The following FLNC variants were observed in gnomAD, a reference collection of about 807,000 sequenced individuals.
FLNC encodes filamin C.
FLNC carries 91 observed loss-of-function variants against 254.3 expected under a neutral mutation model. The observed-to-expected ratio is 0.36, with a 90% CI of 0.30 to 0.43. The LOEUF (loss-of-function observed/expected upper bound fraction) is 0.43. FLNC is among the 20% of genes least tolerant of loss of function. The pLI, the probability that FLNC is intolerant of heterozygous loss-of-function variation, is 1.00. For missense variants in FLNC, 2,853 were observed against 3,802.6 expected, an observed-to-expected ratio of 0.75 and a Z score of 6.57; for synonymous variants, 1,430 against 1,577.2, an observed-to-expected ratio of 0.91 and a Z score of 2.21.
rs2249128 is a variant in FLNC, at chr7:128,847,812, T to C, written c.4404T>C (p.Asp1468=). 1,611,350 of 1,614,052 alleles carry C rather than the reference T, an allele frequency of 1. 804,371 individuals are homozygous for C. The highest frequency in any genetic ancestry group is 1 in the East Asian group (44,886 of 44,886). Residue 1468 remains aspartate (D), a synonymous_variant, in exon 25 of 48, where the codon GAT becomes GAC. Coordinates refer to ENST00000325888, the MANE Select transcript of FLNC (RefSeq NM_001458.5). ...GGGTTCCTCAGACCTTCACAGTGGA[T>C]TGCAGTCAAGCTGGCCGGGCGCCCC... is the stretch of plus-strand genomic sequence containing the variant. The part of the protein sequence containing the change: ...RARVPQTFTV[D]CSQAGRAPLQ...
chr7:128,843,408 G>T lies in FLNC; in HGVS notation c.2642G>T (p.Gly881Val), dbSNP rs377095070. The T allele has an allele frequency of 1.2e-6, 2 of 1,613,970 alleles. No homozygotes were observed. The highest frequency in any genetic ancestry group is 2.7e-5 in the African/African-American group (2 of 74,932). ...ACCACATCTCTGGGTGGGTCCTCAGGTGTGGAAGTCGGGAAGCCCACCCAC... is the reference window on the plus strand; with the variant it reads ...ACCACATCTCTGGGTGGGTCCTCAGTTGTGGAAGTCGGGAAGCCCACCCAC... ...KAEGPGLNRT[G>V]VEVGKPTHFT... is the part of the protein sequence containing the mutation. Residue 881 changes from glycine (G) to valine (V), a missense_variant and splice_region_variant, in exon 18 of 48, where the codon GGT becomes GTT. Transcript: ENST00000325888.
chr7:128,848,815 A>G lies in FLNC; in HGVS notation c.4760A>G (p.Lys1587Arg). The G allele has an allele frequency of 6.2e-7, 1 of 1,614,104 alleles. No individual in the cohort carries two copies. Among genetic ancestry groups the G allele is most frequent in the Non-Finnish European group, 8.5e-7 (1 of 1,180,006 alleles). The change falls in exon 28 of 48, where the codon AAG (lysine) becomes AGG (arginine). Residue 1587 changes from lysine (K) to arginine (R), a missense_variant. Lys to Arg is a conservative substitution (Grantham distance 26). This residue lies in a region of FLNC where 1,573 missense variants were observed against 1,883.5 expected (regional missense o/e 0.84). Transcript: ENST00000325888. ...CAGGACCCCGAGGGTAAGCCCAAGAAGGCCAACATCCGGGACAATGGGGAT... is the reference window on the plus strand; with the variant it reads ...CAGGACCCCGAGGGTAAGCCCAAGAGGGCCAACATCCGGGACAATGGGGAT... ...QILDPEGKPK[K>R]ANIRDNGDGT...
At position 128,842,614 on chromosome 7, in the gene FLNC, G is replaced by T. The variant is rs1046022647; in HGVS notation, c.2305G>T (p.Val769Leu). 7 of 1,550,114 alleles carry T rather than the reference G, an allele frequency of 4.5e-6. No individual in the cohort carries two copies. In the Admixed American group the frequency reaches 5.9e-5, roughly 13 times the overall value. The change falls in exon 15 of 48, where the codon GTG (valine) becomes TTG (leucine). Residue 769 changes from valine to leucine, a missense_variant. By Grantham distance (32) the Val-to-Leu change is conservative. Around this residue, in one of 10 missense-constraint regions of FLNC, gnomAD observed 1,573 missense variants for 1,883.5 expected, o/e 0.84. Transcript: ENST00000325888. The surrounding 1 kb of genome is among the most constrained non-coding windows in gnomAD (Gnocchi z 5.4). ...GGGCAGCCACCCCGAGCGGGTAAAGGTGTACGGCCCCGGAGTGGAGAAGAC... is the reference window on the plus strand; with the variant it reads ...GGGCAGCCACCCCGAGCGGGTAAAGTTGTACGGCCCCGGAGTGGAGAAGAC... Reference protein sequence around the residue: ...GEGSHPERVKVYGPGVEKTGL... With the variant: ...GEGSHPERVKLYGPGVEKTGL...
intron 10 of FLNC, 45 bp downstream of exon 10, chr7:128,840,719 AG>A: frequency 6.2e-7 from 1 of 1,611,530 alleles, no homozygotes; most frequent in South Asian, 1.1e-5. Flanking sequence ...AGGCCATCAC[AG>A]GGAGGGACGA....
rs773481064 is a variant in FLNC at position 128,845,046 on chromosome 7, C to T, written c.3581C>T (p.Ser1194Leu). The change falls in exon 21 of 48, where the codon TCG (serine) becomes TTG (leucine). Residue 1194 changes from serine (S) to leucine (L), a missense_variant. Ser to Leu is a moderately radical substitution (Grantham distance 145). Transcript: ENST00000325888. Reference protein sequence around the residue: ...GEAELTIEILSDAGVKAEVLI... With the variant: ...GEAELTIEILLDAGVKAEVLI... Reference sequence around the variant, plus strand: ...GCGGAGCTGACCATTGAGATCCTGTCGGATGCCGGGGTCAAGGCCGAGGTG... The same window carrying T: ...GCGGAGCTGACCATTGAGATCCTGTTGGATGCCGGGGTCAAGGCCGAGGTG... 4 of 1,613,798 alleles carry T rather than the reference C, an allele frequency of 2.5e-6. No homozygotes were observed. The highest frequency in any genetic ancestry group is 1.1e-5 in the South Asian group (1 of 91,082).
chr7:128,853,903 C>T (rs1585169016), intron 39 of FLNC, 66 bp downstream of exon 39: 2 of 1,612,892 alleles, frequency 1.2e-6, no homozygotes, highest in Non-Finnish European at 1.7e-6. Context: ...CCAGAGCCCA[C>T]CTGTCGGGCC....
At chr7:128,839,841 GGGCCTGTAGCCAGCTCCAGCCC>G (rs1483704190) in intron 8 of FLNC, among the ~76,000 whole-genome samples, 160 bp from the exon 9 acceptor site, 1 of 152,232 alleles carries the variant, frequency 6.6e-6, no homozygotes, top group Non-Finnish European at 1.5e-5. Context: ...GCCTGATCTG[GGGCCTGTAGCCAGCTCCAGCCC>G]GGCAGCCCCG....
In FLNC at chr7:128,844,253, CT is replaced by C. The variant is rs1064795229; in HGVS notation, c.3180del (p.Asp1061IlefsTer17). The C allele has an allele frequency of 1.2e-6, 2 of 1,608,078 alleles. No individual in the cohort carries two copies. Among genetic ancestry groups the C allele is most frequent in the African/African-American group, 1.3e-5 (1 of 74,852 alleles). On this transcript the variant is annotated frameshift_variant, in exon 20 of 48. Transcript: ENST00000325888. LOFTEE classifies it high-confidence loss of function. Reference sequence around the variant, plus strand: ...TTTGCTGTGGAGGGTGTCCTGCCCCCTGATCCCTCCAAGGTGAGGAGATAGG... The same window carrying C: ...TTTGCTGTGGAGGGTGTCCTGCCCCCGATCCCTCCAAGGTGAGGAGATAGG... The part of the protein sequence containing the change: ...SPFAVEGVLP[P>X]DPSKVCAYGP...
Position 128,838,039 on chromosome 7 carries a change from T to G in FLNC, c.1022T>G (p.Val341Gly). The G allele has an allele frequency of 6.2e-7, 1 of 1,613,974 alleles. No homozygotes were observed. The highest frequency in any genetic ancestry group is 8.5e-7 in the Non-Finnish European group (1 of 1,179,908). Residue 341 changes from valine to glycine, a missense_variant, in exon 6 of 48, where the codon GTG becomes GGG. Physicochemically the swap from Val to Gly is moderately radical, Grantham distance 109. Coordinates refer to ENST00000325888, the MANE Select transcript of FLNC (RefSeq NM_001458.5). ...DKDRTYAVSY[V>G]PKVAGLHKVT... Reference sequence around the variant, plus strand: ...GATCGCACCTATGCTGTCTCCTATGTGCCCAAGGTCGCTGGGTTACACAAG... The same window carrying G: ...GATCGCACCTATGCTGTCTCCTATGGGCCCAAGGTCGCTGGGTTACACAAG...
rs60473969 is a variant in FLNC at position 128,858,576 on chromosome 7, TACACACACACAC to T, written c.*65_*76del. ...CCCCCACCTCCAGCCACACACACATTACACACACACACACACACACACAAATGTGCCACACCC... is the reference window on the plus strand; with the variant it reads ...CCCCCACCTCCAGCCACACACACATTACACACACACAAATGTGCCACACCC... On this transcript the variant is annotated 3_prime_UTR_variant, in exon 48 of 48. Transcript: ENST00000325888. This position sits in a 1 kb window ranked among gnomAD's most constrained non-coding sequence, Gnocchi z 6.7. 1 of 997,858 alleles carries T rather than the reference TACACACACACAC, an allele frequency of 1.0e-6. No individual in the cohort carries two copies. The highest frequency in any genetic ancestry group is 1.6e-6 in the Non-Finnish European group (1 of 641,992). The allele number at this position is 997,858 out of a possible 1,614,324, so 61.8% of individuals were successfully genotyped here.
In FLNC at chr7:128,856,964, C is replaced by T. The variant is rs1809089380; in HGVS notation, c.7561+43C>T. ...GGGAACAGGGTGACTTCTGGGGGTG[C>T]TTGGCCACTAGTCTGGTGCTGCTTT... On this transcript the variant is annotated intron_variant, in intron 45 of 47. Coordinates refer to ENST00000325888, the MANE Select transcript of FLNC (RefSeq NM_001458.5). This position sits in a 1 kb window ranked among gnomAD's most constrained non-coding sequence, Gnocchi z 5.9. The T allele has an allele frequency of 6.2e-7, 1 of 1,604,714 alleles. No homozygotes were observed. Among genetic ancestry groups the T allele is most frequent in the Non-Finnish European group, 8.5e-7 (1 of 1,172,892 alleles).
chr7:128,857,308 G>T lies in FLNC; in HGVS notation c.7752G>T (p.Val2584=), dbSNP rs1809108536. Residue 2584 remains valine, a synonymous_variant, in exon 46 of 48, where the codon GTG becomes GTT. Transcript: ENST00000325888. This position sits in a 1 kb window ranked among gnomAD's most constrained non-coding sequence, Gnocchi z 4.5. ...AIKYGGPQHI[V]GSPFKAKVTG... ...AGTACGGTGGCCCCCAGCACATCGTGGGCAGCCCCTTCAAGGCCAAGGTCA... is the reference window on the plus strand; with the variant it reads ...AGTACGGTGGCCCCCAGCACATCGTTGGCAGCCCCTTCAAGGCCAAGGTCA... 1.2e-6 allele frequency: 2 copies of T among 1,613,446 alleles called. No individual in the cohort carries two copies. The highest frequency in any genetic ancestry group is 1.7e-6 in the Non-Finnish European group (2 of 1,179,780).
In FLNC at chr7:128,854,900, G is replaced by C; in HGVS notation, c.7123G>C (p.Val2375Leu). 6.2e-7 allele frequency: 1 copy of C among 1,614,028 alleles called. No individual in the cohort carries two copies. Among genetic ancestry groups the C allele is most frequent in the Non-Finnish European group, 8.5e-7 (1 of 1,179,990 alleles). ...TGGCTCCTGCGGCGTCTCCTATGTCGTCCAGGAACCAGGTGGGCGTCCACA... is the reference window on the plus strand; with the variant it reads ...TGGCTCCTGCGGCGTCTCCTATGTCCTCCAGGAACCAGGTGGGCGTCCACA... ...KDGSCGVSYV[V>L]QEPGDYEVSI... Residue 2375 changes from valine to leucine, a missense_variant, in exon 42 of 48, where the codon GTC becomes CTC. By Grantham distance (32) the Val-to-Leu change is conservative. Transcript: ENST00000325888.
Position 128,856,660 on chromosome 7 carries a change from C to A in FLNC, c.7384+10C>A. The A allele has an allele frequency of 6.2e-7, 1 of 1,613,320 alleles. No individual in the cohort carries two copies. The highest frequency in any genetic ancestry group is 1.7e-5 in the Admixed American group (1 of 60,024). ...TCTGAGCTGGACAGTGGTGAGCTGGCCCTGCCCCTGCCAACTCCCTTCCGG... is the reference window on the plus strand; with the variant it reads ...TCTGAGCTGGACAGTGGTGAGCTGGACCTGCCCCTGCCAACTCCCTTCCGG... On this transcript the variant is annotated intron_variant, in intron 44 of 47. Transcript: ENST00000325888. The surrounding 1 kb of genome is among the most constrained non-coding windows in gnomAD (Gnocchi z 5.9).
At position 128,856,706 on chromosome 7, in the gene FLNC, G is replaced by A. The variant is rs764868060; in HGVS notation, c.7385-39G>A. Reference sequence around the variant, plus strand: ...TCCGGGCTGGGGCCTTCTGGGGAGGGGAAGGATGGAGGCTAAGCCACCAAC... The same window carrying A: ...TCCGGGCTGGGGCCTTCTGGGGAGGAGAAGGATGGAGGCTAAGCCACCAAC... On this transcript the variant is annotated intron_variant, in intron 44 of 47. Transcript: ENST00000325888. This position sits in a 1 kb window ranked among gnomAD's most constrained non-coding sequence, Gnocchi z 5.9. 4.8e-5 allele frequency: 77 copies of A among 1,613,916 alleles called. No individual in the cohort carries two copies. The highest frequency in any genetic ancestry group is 6.4e-5 in the Non-Finnish European group (75 of 1,180,024).
At position 128,842,587 on chromosome 7, in the gene FLNC, G is replaced by A. The variant is rs772574007; in HGVS notation, c.2278G>A (p.Glu760Lys). 1.0e-5 allele frequency: 16 copies of A among 1,549,342 alleles called. No individual in the cohort carries two copies. In the South Asian group the frequency reaches 1.1e-4, roughly 10 times the overall value. ...ACCCCTCCCGCAGGTGAACGTGGGC[G>A]AGGGCAGCCACCCCGAGCGGGTAAA... ...PKSPFRVNVGEGSHPERVKVY... is the reference protein window; with the variant it reads ...PKSPFRVNVGKGSHPERVKVY... Residue 760 changes from glutamate to lysine, a missense_variant, in exon 15 of 48, where the codon GAG becomes AAG. Physicochemically the swap from Glu to Lys is moderately conservative, Grantham distance 56. Coordinates refer to ENST00000325888, the MANE Select transcript of FLNC (RefSeq NM_001458.5). This position sits in a 1 kb window ranked among gnomAD's most constrained non-coding sequence, Gnocchi z 5.4.
chr7:128,846,186 A>AGTGGGCAGGGCTGGGCAG, intron 22 of FLNC, 23 bp downstream of exon 22: 2 of 1,509,442 alleles, frequency 1.3e-6, no homozygotes, highest in African/African-American at 1.7e-5. Flanking sequence ...GGGCCAGGCT[A>AGTGGGCAGGGCTGGGCAG]GTGGGCAGGG....
chr7:128,854,347 G>A (rs1375900173), intron 40 of FLNC, 66 bp from the exon 41 acceptor site: 2 of 1,596,024 alleles, frequency 1.3e-6, no homozygotes, highest in Non-Finnish European at 1.7e-6. Context: ...TTTAACTGAT[G>A]GGGGAGGGAA....
intron 30 of FLNC, 79 bp from the exon 31 acceptor site, chr7:128,849,897 G>T: frequency 9.6e-7 from 1 of 1,042,642 alleles, no homozygotes; most frequent in Non-Finnish European, 1.4e-6. Context: ...AGCATTTCAG[G>T]TTCCTGGGCC....
Sources: gnomAD v4.1 joint callset for allele counts (sites outside exome capture counted in the v4.1 genomes callset) on GRCh38, gnomAD v4.1.1 for gene constraint, gnomAD v4.1.1 regional missense constraint, Gnocchi (gnomAD v3.1) non-coding constraint, MANE v1.5 for transcripts, NCBI Gene and HGNC (gene_info 2026-07-23, HGNC 2026-07-21) for gene names.